The following PARD3B variants were observed in gnomAD, a reference collection of about 807,000 sequenced individuals.
The protein encoded by PARD3B is partitioning defective 3 homolog B.
A neutral mutation model predicts 130.2 loss-of-function variants in PARD3B; 103 were observed. The ratio of observed to expected loss-of-function variants is 0.79; its 90% CI spans 0.67 to 0.93. PARD3B has a LOEUF of 0.93. Among genes scored for constraint, PARD3B ranks in the 40% least tolerant of loss-of-function variants. The pLI, the probability that PARD3B is intolerant of heterozygous loss-of-function variation, is 0.00. For synonymous variants in PARD3B, 583 were observed against 553.2 expected (o/e 1.05, Z -0.76); for missense variants, 1,609 against 1,499.2 (o/e 1.07, Z -1.21).
intron 3 of PARD3B, among the ~76,000 whole-genome samples, chr2:205,024,035 C>G (rs977855903): frequency 6.6e-6 from 1 of 151,998 alleles, no homozygotes; most frequent in African/African-American, 2.4e-5. Flanking sequence ...ATAGTCATCC[C>G]TAAGCTTTAG....
intron 18 of PARD3B, among the ~76,000 whole-genome samples, chr2:205,381,108 AAT>A (rs1204908294): frequency 7.0e-4 from 55 of 78,704 alleles, no homozygotes; most frequent in African/African-American, 2.9e-3. Context: ...ATATATAAAG[AAT>A]ATATATTATA....
chr2:204,846,687 A>G (rs2044474341), intron 2 of PARD3B, among the ~76,000 whole-genome samples: 1 of 150,510 alleles, frequency 6.6e-6, no homozygotes, highest in Admixed American at 6.7e-5. Context: ...AGCACACGAG[A>G]TAGCCAGGAG....
intron 21 of PARD3B, among the ~76,000 whole-genome samples, chr2:205,518,880 A>G (rs2050906003): frequency 6.6e-6 from 1 of 152,008 alleles, no homozygotes; most frequent in African/African-American, 2.4e-5. Flanking sequence ...TTGGTTGAAG[A>G]TTTTTTTCTT....
chr2:204,615,007 A>C (rs2034058952), intron 1 of PARD3B, among the ~76,000 whole-genome samples: 1 of 152,192 alleles, frequency 6.6e-6, no homozygotes, highest in Non-Finnish European at 1.5e-5. Flanking sequence ...TTTTTCCAAG[A>C]CAGAATTTAT....
intron 4 of PARD3B, among the ~76,000 whole-genome samples, chr2:205,092,424 G>T (rs1702162275): frequency 6.6e-6 from 1 of 152,114 alleles, no homozygotes; most frequent in South Asian, 2.1e-4. Context: ...TTTACATCAA[G>T]GTAGCAGAGA....
intron 11 of PARD3B, among the ~76,000 whole-genome samples, chr2:205,164,917 A>G (rs2034718123): frequency 7.4e-6 from 1 of 134,400 alleles, no homozygotes; most frequent in Non-Finnish European, 1.6e-5. Context: ...CACAGTATGA[A>G]CTCTGCATAC....
rs377105088 is a variant in PARD3B at position 205,347,279 on chromosome 2, G to A, written c.2630+45578G>A. ...TAAGGGGTCCAACTCAAGATGATCA[G>A]TGATCCATTGAAAATGGTGGTTGTC... On this transcript the variant is annotated intron_variant, in intron 18 of 22. Transcript: ENST00000406610. Among the ~76,000 whole-genome samples the A allele has an allele frequency of 2.0e-5, 3 of 152,190 alleles. No homozygotes were observed. The South Asian group carries it at 6.2e-4, about 32-fold the overall frequency.
chr2:205,505,633 G>A (rs28680356), intron 21 of PARD3B, among the ~76,000 whole-genome samples: 5,236 of 152,252 alleles, frequency 0.034, 308 homozygotes, highest in African/African-American at 0.12. Context: ...ATATTTGCCA[G>A]AGGAAAACAT....
Position 205,078,825 on chromosome 2 carries a change from A to G in PARD3B, c.505-25601A>G, listed in dbSNP as rs1701226361. ...GGACAAGCCAGATGCCATGTAAGAA[A>G]GTCCATTTCTCTGAGTCCACTTTGC... On this transcript the variant is annotated intron_variant, in intron 4 of 22. Coordinates refer to ENST00000406610, the MANE Select transcript of PARD3B (RefSeq NM_001302769.2). The surrounding 1 kb of genome is among the most constrained non-coding windows in gnomAD (Gnocchi z 4.0). 6.6e-6 allele frequency among the ~76,000 whole-genome samples: 1 copy of G among 152,324 alleles called. No homozygotes were observed. The highest frequency in any genetic ancestry group is 1.5e-5 in the Non-Finnish European group (1 of 68,034).
chr2:205,356,908 A>T (rs900173188), intron 18 of PARD3B, among the ~76,000 whole-genome samples: 1 of 151,390 alleles, frequency 6.6e-6, no homozygotes, highest in Admixed American at 6.6e-5. Context: ...AAAAAAAAAT[A>T]GAAGACAAAA....
intron 22 of PARD3B, among the ~76,000 whole-genome samples, chr2:205,556,619 A>G (rs1263512962): frequency 6.6e-6 from 1 of 152,216 alleles, no homozygotes; most frequent in South Asian, 2.1e-4. Context: ...CCTCCTAAGA[A>G]AAATGACTTT....
chr2:205,453,864 A>G (rs2048184527), intron 20 of PARD3B, among the ~76,000 whole-genome samples: 1 of 152,186 alleles, frequency 6.6e-6, no homozygotes. Context: ...ATAGCTGAGT[A>G]TTGGCACATG....
At chr2:204,797,174 C>CAAAAA (rs1162381095) in intron 2 of PARD3B, among the ~76,000 whole-genome samples, 1 of 53,014 alleles carries the variant, frequency 1.9e-5, no homozygotes, top group Non-Finnish European at 4.1e-5. Flanking sequence ...GACTCTGTCT[C>CAAAAA]AAAAAAAAAA....
intron 8 of PARD3B, 134 bp from the exon 9 acceptor site, chr2:205,124,193 A>G: frequency 1.3e-6 from 1 of 777,704 alleles, no homozygotes; most frequent in South Asian, 4.4e-5. Context: ...ACTGAAGCAT[A>G]TTTAAAATGT....
intron 10 of PARD3B, among the ~76,000 whole-genome samples, chr2:205,141,917 C>T (rs7560015): frequency 0.69 from 104,724 of 151,940 alleles, 36,722 homozygotes; most frequent in Admixed American, 0.79. Flanking sequence ...TGAGCTACAA[C>T]GGAAGAAATA....
chr2:205,324,681 A>T (rs1390267230), intron 18 of PARD3B, among the ~76,000 whole-genome samples: 1 of 151,882 alleles, frequency 6.6e-6, no homozygotes, highest in Admixed American at 6.6e-5. Context: ...TCTGGCAGCT[A>T]CTCCTAGCTA....
At chr2:204,703,490 T>C (rs1466778105) in intron 2 of PARD3B, among the ~76,000 whole-genome samples, 1 of 152,238 alleles carries the variant, frequency 6.6e-6, no homozygotes, top group Non-Finnish European at 1.5e-5. Flanking sequence ...GAAAAGATTG[T>C]GAATTTCTTT....
intron 2 of PARD3B, among the ~76,000 whole-genome samples, chr2:204,761,705 A>G (rs1313116569): frequency 1.3e-5 from 2 of 152,162 alleles, no homozygotes. Context: ...ATCTTTGCTT[A>G]GAAAGCTTAC....
rs190321525 is a variant in PARD3B, at chr2:205,033,302, A to G, written c.395-14279A>G. 2.9e-3 allele frequency among the ~76,000 whole-genome samples: 435 copies of G among 152,314 alleles called. 2 individuals are homozygous for G. The highest frequency in any genetic ancestry group is 2.7e-3 in the Non-Finnish European group (181 of 68,032). On this transcript the variant is annotated intron_variant, in intron 3 of 22. Coordinates refer to ENST00000406610, the MANE Select transcript of PARD3B (RefSeq NM_001302769.2). ...AAAAGATTCCTCTACTTATTATTTT[A>G]GTCAAGGTATTTCATATATTTATAA...
Sources: allele counts gnomAD v4.1 joint callset (sites outside exome capture counted in the v4.1 genomes callset), GRCh38; gene constraint gnomAD v4.1.1; non-coding constraint Gnocchi (gnomAD v3.1); transcripts MANE v1.5; gene names NCBI Gene and HGNC (gene_info 2026-07-23, HGNC 2026-07-21).